Variants in NOD1 observed in about 807,000 individuals in gnomAD.
The protein encoded by NOD1 is nucleotide binding oligomerization domain containing 1, also known as nucleotide-binding oligomerization domain-containing protein 1.
NOD1 carries 70 observed loss-of-function variants against 81.2 expected under a neutral mutation model. That is an observed-to-expected ratio of 0.86 (90% CI 0.71 to 1.05). NOD1 has a LOEUF of 1.05. Ranked by LOEUF, NOD1 falls within the 50% of genes least tolerant of loss-of-function variation. NOD1 has a pLI of 0.00. For missense variants in NOD1, 1,233 were observed against 1,228.0 expected, an observed-to-expected ratio of 1.00 and a Z score of -0.06; for synonymous variants, 508 against 526.9, an observed-to-expected ratio of 0.96 and a Z score of 0.49.
Position 30,425,025 on chromosome 7 carries a change from G to A in NOD1, c.*613C>T, listed in dbSNP as rs1783328522. The A allele has an allele frequency of 6.6e-6, 1 of 152,492 alleles. No homozygotes were observed. Among genetic ancestry groups the A allele is most frequent in the Non-Finnish European group, 1.5e-5 (1 of 68,318 alleles). 9.4% of individuals were successfully genotyped at this position (152,492 alleles called of 1,614,324 possible). On this transcript the variant is annotated 3_prime_UTR_variant, in exon 14 of 14. Transcript: ENST00000222823. Reference sequence around the variant, plus strand: ...TCCAGGATTAAAATTAAAAGCCCGTGGTGCATCCTTTCCTTGACATTAACT... The same window carrying A: ...TCCAGGATTAAAATTAAAAGCCCGTAGTGCATCCTTTCCTTGACATTAACT...
intron 12 of NOD1, among the ~76,000 whole-genome samples, chr7:30,431,542 G>A (rs1021556133): frequency 2.6e-5 from 4 of 152,206 alleles, no homozygotes; most frequent in African/African-American, 9.6e-5. Flanking sequence ...CCATTCAATA[G>A]GAAAAGATAA....
chr7:30,433,808 A>G (rs1213035469), intron 11 of NOD1, among the ~76,000 whole-genome samples: 1 of 151,996 alleles, frequency 6.6e-6, no homozygotes, highest in Non-Finnish European at 1.5e-5. Context: ...CAGAAAGAAC[A>G]TTTAAAAAAA....
intron 1 of NOD1, chr7:30,460,779 C>T (rs1253558436): frequency 1.3e-6 from 1 of 756,288 alleles, no homozygotes; most frequent in African/African-American, 1.9e-5. Flanking sequence ...TTCTTTCTAG[C>T]TTTCTGCCCT....
At chr7:30,436,117 A>G (rs5743361) in intron 10 of NOD1, 36 bp from the exon 11 acceptor site, 42,337 of 1,487,702 alleles carry the variant, frequency 0.028, 793 homozygotes, top group Middle Eastern at 0.076. Flanking sequence ...ATTATTAAAG[A>G]CACATCTACA....
At chr7:30,427,811 G>C (rs1189770685) in intron 13 of NOD1, among the ~76,000 whole-genome samples, 2 of 152,224 alleles carry the variant, frequency 1.3e-5, no homozygotes, top group African/African-American at 4.8e-5. Context: ...CTACCCGCCT[G>C]ACCAGCTACA....
At position 30,467,344 on chromosome 7, in the gene NOD1, G is replaced by GC. The variant is rs570359675; in HGVS notation, c.-351-7304_-351-7303insG. Reference sequence around the variant, plus strand: ...GTAGGGTAGGACTTTTATTCGTAATGTTTTTTTTTTTATAAGAAGGCTATA... The same window carrying GC: ...GTAGGGTAGGACTTTTATTCGTAATGCTTTTTTTTTTTATAAGAAGGCTATA... On this transcript the variant is annotated intron_variant, in intron 1 of 13. Transcript: ENST00000222823. This position sits in a 1 kb window ranked among gnomAD's most constrained non-coding sequence, Gnocchi z 4.5. 1.4e-5 allele frequency among the ~76,000 whole-genome samples: 2 copies of GC among 147,978 alleles called. No homozygotes were observed. The highest frequency in any genetic ancestry group is 3.0e-5 in the Non-Finnish European group (2 of 66,834).
At chr7:30,468,344 A>G (rs1470578636) in intron 1 of NOD1, among the ~76,000 whole-genome samples, 1 of 152,164 alleles carries the variant, frequency 6.6e-6, no homozygotes, top group Admixed American at 6.5e-5. Context: ...TTGATTTCTC[A>G]GCAGCAAATG....
At position 30,435,891 on chromosome 7, in the gene NOD1, G is replaced by A. The variant is rs1784338588; in HGVS notation, c.2621+107C>T. ...GAGGTTCGAATGAGCCTGGGAGGTG[G>A]AGGCTGCAGTGAGCTGAGATCACAC... On this transcript the variant is annotated intron_variant, in intron 11 of 13. Coordinates refer to ENST00000222823, the MANE Select transcript of NOD1 (RefSeq NM_006092.4). 4.6e-6 allele frequency: 4 copies of A among 878,638 alleles called. No homozygotes were observed. In the South Asian group the frequency reaches 4.6e-5, roughly 10 times the overall value. 54.4% of individuals were successfully genotyped at this position (878,638 alleles called of 1,614,324 possible). A position where few individuals can be genotyped will look rare whatever the true frequency, so the allele number is the denominator to read the frequency against.
intron 1 of NOD1, among the ~76,000 whole-genome samples, chr7:30,466,132 G>A (rs1787667933): frequency 6.6e-6 from 1 of 152,208 alleles, no homozygotes; most frequent in African/African-American, 2.4e-5. Context: ...AACTTTATGG[G>A]TCACAGGAGA....
intron 12 of NOD1, among the ~76,000 whole-genome samples, chr7:30,431,786 T>A (rs180757043): frequency 6.6e-6 from 1 of 152,090 alleles, no homozygotes; most frequent in Non-Finnish European, 1.5e-5. Flanking sequence ...AAGAAAAAAA[T>A]AGATAAATTG....
intron 1 of NOD1, among the ~76,000 whole-genome samples, chr7:30,461,553 T>G (rs1226344330): frequency 2.6e-5 from 4 of 152,160 alleles, no homozygotes; most frequent in African/African-American, 9.7e-5. Context: ...CTGGCATGTG[T>G]TTTAATCGCA....
chr7:30,472,787 G>C (rs1328708755), intron 1 of NOD1, among the ~76,000 whole-genome samples: 5 of 152,218 alleles, frequency 3.3e-5, no homozygotes, highest in African/African-American at 1.2e-4. Flanking sequence ...CTTCCAGCCT[G>C]CAGAACTGTG....
At chr7:30,459,520 T>C (rs561683960) in intron 2 of NOD1, among the ~76,000 whole-genome samples, 1 of 152,326 alleles carries the variant, frequency 6.6e-6, no homozygotes, top group South Asian at 2.1e-4. Flanking sequence ...AGGAATGTAA[T>C]GTCACCATTA....
chr7:30,447,661 A>G (rs1235214504), intron 7 of NOD1: 1 of 155,358 alleles, frequency 6.4e-6, no homozygotes, highest in Non-Finnish European at 1.4e-5. Flanking sequence ...AAACTGAACA[A>G]CTGCTCCAGC....
In NOD1 at chr7:30,433,184, G is replaced by C. The variant is rs774177377; in HGVS notation, c.2622-5C>G. 1.9e-6 allele frequency: 3 copies of C among 1,607,824 alleles called. No individual in the cohort carries two copies. The highest frequency in any genetic ancestry group is 2.6e-6 in the Non-Finnish European group (3 of 1,175,624). ...TTGAGTTCATTTTGGGTCAGCCTAA[G>C]GAAAAAAAAGGAAGTATTTACTCAA... is the stretch of plus-strand genomic sequence containing the variant. On this transcript the variant is annotated splice_polypyrimidine_tract_variant and splice_region_variant and intron_variant, in intron 11 of 13. Transcript: ENST00000222823.
intron 13 of NOD1, among the ~76,000 whole-genome samples, chr7:30,426,291 C>T (rs1783447699): frequency 1.3e-5 from 2 of 152,084 alleles, no homozygotes. Flanking sequence ...CTCCTAGGGT[C>T]CCCTGGCTTA....
chr7:30,446,069 A>G (rs1785037646), intron 9 of NOD1, 72 bp downstream of exon 9: 2 of 1,193,226 alleles, frequency 1.7e-6, no homozygotes, highest in Non-Finnish European at 2.5e-6. Flanking sequence ...CTGATGTATG[A>G]AAAGAACAGC....
intron 3 of NOD1, among the ~76,000 whole-genome samples, chr7:30,457,839 T>C (rs1315982623): frequency 6.6e-6 from 1 of 151,960 alleles, no homozygotes; most frequent in East Asian, 1.9e-4. Context: ...GACGGTGATG[T>C]CTCAGTCACT....
chr7:30,455,062 TG>T, intron 5 of NOD1, 74 bp downstream of exon 5: 1 of 1,442,716 alleles, frequency 6.9e-7, no homozygotes, highest in Non-Finnish European at 9.6e-7. Flanking sequence ...CACTCAGGGC[TG>T]GCCCAGCCAT....
Sources: gnomAD v4.1 joint callset for allele counts (sites outside exome capture counted in the v4.1 genomes callset) on GRCh38, gnomAD v4.1.1 for gene constraint, Gnocchi (gnomAD v3.1) non-coding constraint, MANE v1.5 for transcripts, NCBI Gene and HGNC (gene_info 2026-07-23, HGNC 2026-07-21) for gene names.